Variants in TMEM8B observed in about 807,000 individuals in gnomAD.
The protein encoded by TMEM8B is nasopharyngeal carcinoma expressed 6.
In TMEM8B, 29 loss-of-function variants were observed where a neutral mutation model predicts 49.3. That is an observed-to-expected ratio of 0.59 (90% CI 0.44 to 0.80). The LOEUF is 0.80. TMEM8B is among the 30% of genes least tolerant of loss of function. TMEM8B has a pLI of 0.00. For missense variants in TMEM8B, 575 were observed against 658.5 expected (o/e 0.87, Z 1.39); for synonymous variants, 264 against 272.8 (o/e 0.97, Z 0.32).
chr9:35,842,326 TG>T lies in TMEM8B; in HGVS notation c.1310-65del. The stretch of plus-strand genomic sequence containing the variant: ...TGCGAAATCCTGTCTAGCTCAGATG[TG>T]TTTATGAGTAAGTTCAGGACTGTAA... On this transcript the variant is annotated intron_variant, in intron 5 of 12. Transcript: ENST00000643932. The surrounding 1 kb of genome is among the most constrained non-coding windows in gnomAD (Gnocchi z 5.6). 1.6e-6 allele frequency: 2 copies of T among 1,215,514 alleles called. No homozygotes were observed. The allele number at this position is 1,215,514 out of a possible 1,614,324, so 75.3% of individuals were successfully genotyped here. A position where few individuals can be genotyped will look rare whatever the true frequency, so the allele number is the denominator to read the frequency against.
In TMEM8B at chr9:35,834,649, G is replaced by A. The variant is rs1405000257; in HGVS notation, c.697G>A (p.Val233Met). 2.4e-6 allele frequency: 1 copy of A among 415,788 alleles called. No homozygotes were observed. The highest frequency in any genetic ancestry group is 4.4e-6 in the Non-Finnish European group (1 of 226,392). The allele number at this position is 415,788 out of a possible 1,614,324, so 25.8% of individuals were successfully genotyped here. A position where few individuals can be genotyped will look rare whatever the true frequency, so the allele number is the denominator to read the frequency against. Reference sequence around the variant, plus strand: ...CCACTGCCCAGACCAAAGTGTGACTGTGTGAGTGTCTGAGTTAATTTCCCA... The same window carrying A: ...CCACTGCCCAGACCAAAGTGTGACTATGTGAGTGTCTGAGTTAATTTCCCA... ...GDHCPDQSVTVYFRSGAPPVI... is the reference protein window; with the variant it reads ...GDHCPDQSVTMYFRSGAPPVI... The change falls in exon 2 of 13, where the codon GTG becomes ATG. Residue 233 changes from valine (V) to methionine (M), a missense_variant and splice_region_variant. Val to Met is a conservative substitution (Grantham distance 21). Transcript: ENST00000643932.
intron 3 of TMEM8B, among the ~76,000 whole-genome samples, chr9:35,835,993 G>A (rs552427221): frequency 7.6e-4 from 116 of 152,378 alleles, no homozygotes; most frequent in Non-Finnish European, 1.2e-3. Flanking sequence ...TGCTGAGCTG[G>A]CTGTTGTCAG....
At chr9:35,848,856 G>A (rs1831882087) in intron 10 of TMEM8B, among the ~76,000 whole-genome samples, 1 of 151,882 alleles carries the variant, frequency 6.6e-6, no homozygotes. Flanking sequence ...TGTATTTTTA[G>A]TAGAGACAGG....
intron 10 of TMEM8B, among the ~76,000 whole-genome samples, chr9:35,850,202 G>T: frequency 6.6e-6 from 1 of 152,192 alleles, no homozygotes; most frequent in East Asian, 1.9e-4. Context: ...TGCCTGGATA[G>T]CCCATTTTGG....
intron 6 of TMEM8B, 58 bp from the exon 7 acceptor site, chr9:35,845,917 T>A (rs1236672124): frequency 1.9e-6 from 3 of 1,607,942 alleles, no homozygotes; most frequent in Non-Finnish European, 2.6e-6. Context: ...AGTCTGAGGG[T>A]GGCGGTGGGT....
intron 10 of TMEM8B, among the ~76,000 whole-genome samples, chr9:35,851,444 C>A (rs1033562447): frequency 2.0e-5 from 3 of 152,196 alleles, no homozygotes; most frequent in Non-Finnish European, 4.4e-5. Context: ...CTGCACCCAA[C>A]CTAAAAAAAT....
chr9:35,832,738 C>G (rs1830035048), intron 1 of TMEM8B, among the ~76,000 whole-genome samples: 1 of 152,166 alleles, frequency 6.6e-6, no homozygotes, highest in African/African-American at 2.4e-5. Flanking sequence ...CAGCCCTTCC[C>G]TAACCCCAGC....
intron 1 of TMEM8B, among the ~76,000 whole-genome samples, chr9:35,831,147 C>G (rs1232856584): frequency 6.6e-6 from 1 of 152,308 alleles, no homozygotes; most frequent in East Asian, 1.9e-4. Flanking sequence ...GCAGAGATGT[C>G]TGGTCACTTA....
In TMEM8B at chr9:35,856,255, G is replaced by A. The variant is rs1449010209; in HGVS notation, c.*2415G>A. On this transcript the variant is annotated 3_prime_UTR_variant, in exon 13 of 13. Transcript: ENST00000643932. ...GAACACTTGTATAGTGCCTAGTCTG[G>A]TATGTGATGTGGTCCAATATATGTT... is the stretch of plus-strand genomic sequence containing the variant. 1 of 152,222 alleles carries A rather than the reference G, an allele frequency of 6.6e-6. No individual in the cohort carries two copies. Among genetic ancestry groups the A allele is most frequent in the Non-Finnish European group, 1.5e-5 (1 of 68,050 alleles). 9.4% of individuals were successfully genotyped at this position (152,222 alleles called of 1,614,324 possible).
At chr9:35,848,291 C>T (rs955518826) in intron 10 of TMEM8B, among the ~76,000 whole-genome samples, 2 of 152,192 alleles carry the variant, frequency 1.3e-5, no homozygotes, top group African/African-American at 4.8e-5. Context: ...CCTGCCCCCA[C>T]AGTGCCTCAT....
intron 3 of TMEM8B, among the ~76,000 whole-genome samples, chr9:35,838,726 G>A (rs1330354558): frequency 6.6e-6 from 1 of 152,134 alleles, no homozygotes; most frequent in Non-Finnish European, 1.5e-5. Flanking sequence ...CCCAGTCCAT[G>A]CTTCTTTCTC....
At chr9:35,838,071 C>T (rs1024987146) in intron 3 of TMEM8B, among the ~76,000 whole-genome samples, 2 of 152,116 alleles carry the variant, frequency 1.3e-5, no homozygotes, top group African/African-American at 2.4e-5. Context: ...TTGAATCCAC[C>T]GACTAGGACC....
In TMEM8B at chr9:35,854,717, G is replaced by C. The variant is rs993265967; in HGVS notation, c.*877G>C. ...ATGCTGAGATGATTTAAATCAGTGA[G>C]ACAGACTTTCCTTATGATGCCCACA... On this transcript the variant is annotated 3_prime_UTR_variant, in exon 13 of 13. Transcript: ENST00000643932. The C allele has an allele frequency of 1.3e-5, 2 of 152,140 alleles. No homozygotes were observed. The highest frequency in any genetic ancestry group is 4.8e-5 in the African/African-American group (2 of 41,422). 9.4% of individuals were successfully genotyped at this position (152,140 alleles called of 1,614,324 possible). A position where few individuals can be genotyped will look rare whatever the true frequency, so the allele number is the denominator to read the frequency against.
At chr9:35,849,607 C>G (rs1004983409) in intron 10 of TMEM8B, among the ~76,000 whole-genome samples, 19 of 152,300 alleles carry the variant, frequency 1.2e-4, no homozygotes, top group Admixed American at 1.1e-3. Context: ...GAGCCTGACT[C>G]CAGATCCCTC....
At chr9:35,831,676 A>G (rs764950325) in intron 1 of TMEM8B, among the ~76,000 whole-genome samples, 3 of 152,152 alleles carry the variant, frequency 2.0e-5, no homozygotes, top group Non-Finnish European at 4.4e-5. Context: ...TGGGCTGGTG[A>G]GGGGAGCAGG....
intron 3 of TMEM8B, among the ~76,000 whole-genome samples, chr9:35,838,791 C>G (rs191232176): frequency 1.4e-4 from 21 of 152,346 alleles, no homozygotes; most frequent in Non-Finnish European, 2.9e-4. Flanking sequence ...ATTGCTCAAG[C>G]CCCAAATTAA....
In TMEM8B at chr9:35,865,505, C is replaced by A. The variant is rs1832723161; in HGVS notation, c.*11665C>A. 6.6e-6 allele frequency: 1 copy of A among 152,140 alleles called. No homozygotes were observed. Among genetic ancestry groups the A allele is most frequent in the Non-Finnish European group, 1.5e-5 (1 of 68,014 alleles). 9.4% of individuals were successfully genotyped at this position (152,140 alleles called of 1,614,324 possible). ...AAAGCAGCAGAAGTTGCAAAGTTTC[C>A]TATGATGCTATAATTTGTCTTCTGG... On this transcript the variant is annotated 3_prime_UTR_variant, in exon 13 of 13. Transcript: ENST00000643932.
Position 35,853,387 on chromosome 9 carries a change from A to C in TMEM8B, c.2440-118A>C, listed in dbSNP as rs1277837141. The C allele has an allele frequency of 6.8e-7, 1 of 1,466,352 alleles. No individual in the cohort carries two copies. Among genetic ancestry groups the C allele is most frequent in the Middle Eastern group, 2.2e-4 (1 of 4,462 alleles). 90.8% of individuals were successfully genotyped at this position (1,466,352 alleles called of 1,614,324 possible). On this transcript the variant is annotated intron_variant, in intron 12 of 12. Coordinates refer to ENST00000643932, the MANE Select transcript of TMEM8B (RefSeq NM_001042590.4). The surrounding 1 kb of genome is among the most constrained non-coding windows in gnomAD (Gnocchi z 4.2). ...ACCTGCTGCTGGCAGTGTCCGCTCC[A>C]GTCTTGGCAGGTGTCTTTAGGTCAC...
chr9:35,837,828 C>T (rs753758426), intron 3 of TMEM8B, among the ~76,000 whole-genome samples: 1 of 152,078 alleles, frequency 6.6e-6, no homozygotes, highest in Non-Finnish European at 1.5e-5. Context: ...TGTTTTGGAT[C>T]GTGTGTTCAT....
Sources: allele counts gnomAD v4.1 joint callset (sites outside exome capture counted in the v4.1 genomes callset), GRCh38; gene constraint gnomAD v4.1.1; non-coding constraint Gnocchi (gnomAD v3.1); transcripts MANE v1.5; gene names NCBI Gene and HGNC (gene_info 2026-07-23, HGNC 2026-07-21).